Variants in ARHGAP42 observed in about 807,000 individuals in gnomAD.
ARHGAP42 encodes Rho GTPase activating protein 42, also known as rho GTPase-activating protein 42.
A neutral mutation model predicts 125.0 loss-of-function variants in ARHGAP42; 63 were observed. The observed-to-expected ratio is 0.50, with a 90% CI of 0.41 to 0.62. The LOEUF is 0.62. Among genes scored for constraint, ARHGAP42 ranks in the 20% least tolerant of loss-of-function variants. The pLI is 0.00. For synonymous variants in ARHGAP42, 339 were observed against 351.0 expected, an observed-to-expected ratio of 0.97 and a Z score of 0.38; for missense variants, 766 against 1,024.2, an observed-to-expected ratio of 0.75 and a Z score of 3.44.
At chr11:100,791,736 A>C (rs1863573032) in intron 2 of ARHGAP42, among the ~76,000 whole-genome samples, 1 of 151,898 alleles carries the variant, frequency 6.6e-6, no homozygotes, top group Admixed American at 6.5e-5. Context: ...GGCCAGTCTC[A>C]GAAAACTCCT....
rs1864642116 is a variant in ARHGAP42 at position 100,830,582 on chromosome 11, C to G, written c.313-28972C>G. The stretch of plus-strand genomic sequence containing the variant: ...AGTGTCACAAGATCCTCAGGTGTTT[C>G]TTGTGTGCATTAAAGTCTGAGAAGC... On this transcript the variant is annotated intron_variant, in intron 3 of 23. Coordinates refer to ENST00000298815, the MANE Select transcript of ARHGAP42 (RefSeq NM_152432.4). 1.3e-5 allele frequency among the ~76,000 whole-genome samples: 2 copies of G among 152,108 alleles called. 1 individual carries two copies. Among genetic ancestry groups the G allele is most frequent in the South Asian group, 4.1e-4 (2 of 4,824 alleles).
chr11:100,768,147 A>G (rs1199719925), intron 1 of ARHGAP42, among the ~76,000 whole-genome samples: 1 of 152,212 alleles, frequency 6.6e-6, no homozygotes, highest in Admixed American at 6.5e-5. Flanking sequence ...ATATTTTGAC[A>G]TTTGTAAAAA....
intron 4 of ARHGAP42, among the ~76,000 whole-genome samples, chr11:100,912,860 C>A (rs777907520): frequency 6.6e-6 from 1 of 152,220 alleles, no homozygotes; most frequent in African/African-American, 2.4e-5. Context: ...TCAATTTATT[C>A]GACTTCAAAT....
intron 4 of ARHGAP42, among the ~76,000 whole-genome samples, chr11:100,903,117 G>GCGCGCACACACACA (rs373508179): frequency 1.4e-3 from 189 of 132,028 alleles, no homozygotes; most frequent in African/African-American, 3.0e-3. Context: ...TCCAAGATGC[G>GCGCGCACACACACA]CACACACACA....
intron 4 of ARHGAP42, among the ~76,000 whole-genome samples, chr11:100,872,026 A>C (rs898025938): frequency 1.6e-4 from 25 of 152,100 alleles, no homozygotes; most frequent in African/African-American, 5.6e-4. Context: ...AACAGGCGTG[A>C]GCCACTGCAC....
rs1167318377 is a variant in ARHGAP42 at position 100,921,619 on chromosome 11, T to G, written c.597+15T>G. On this transcript the variant is annotated intron_variant, in intron 6 of 23. Transcript: ENST00000298815. ...TTGTTGAACCGGTAAGTTTCAGATT[T>G]TTGTATAAATGGTGGGCTCAAAACA... 2 of 1,458,908 alleles carry G rather than the reference T, an allele frequency of 1.4e-6. No homozygotes were observed. Among genetic ancestry groups the G allele is most frequent in the African/African-American group, 2.9e-5 (2 of 70,082 alleles). The allele number at this position is 1,458,908 out of a possible 1,614,324, so 90.4% of individuals were successfully genotyped here. A position where few individuals can be genotyped will look rare whatever the true frequency, so the allele number is the denominator to read the frequency against.
intron 2 of ARHGAP42, among the ~76,000 whole-genome samples, chr11:100,773,165 C>A (rs563664420): frequency 6.6e-6 from 1 of 152,150 alleles, no homozygotes; most frequent in African/African-American, 2.4e-5. Flanking sequence ...GCTATAAATT[C>A]CATGAAGGCA....
chr11:100,731,033 G>A (rs963964252), intron 1 of ARHGAP42, among the ~76,000 whole-genome samples: 1 of 152,118 alleles, frequency 6.6e-6, no homozygotes, highest in Non-Finnish European at 1.5e-5. Flanking sequence ...TATGATGGCA[G>A]TCATTCAGGT....
At chr11:100,835,118 T>C (rs1371560394) in intron 3 of ARHGAP42, among the ~76,000 whole-genome samples, 2 of 152,064 alleles carry the variant, frequency 1.3e-5, no homozygotes, top group African/African-American at 4.8e-5. Flanking sequence ...TATTTTATAC[T>C]GTTTTGCTGG....
chr11:100,974,253 CT>C (rs1165671332), intron 18 of ARHGAP42, among the ~76,000 whole-genome samples: 1 of 152,084 alleles, frequency 6.6e-6, no homozygotes, highest in Non-Finnish European at 1.5e-5. Flanking sequence ...ATTGAAAGAT[CT>C]TCTAGATTTT....
Position 100,916,786 on chromosome 11 carries a change from T to C in ARHGAP42, c.486+3233T>C, listed in dbSNP as rs146578908. The stretch of plus-strand genomic sequence containing the variant: ...AAATTGTGTAAATATAGTTTAAATA[T>C]TGATCCAAGATTCATAAGTGCAGAA... On this transcript the variant is annotated intron_variant, in intron 5 of 23. Transcript: ENST00000298815. Among the ~76,000 whole-genome samples, 261 of 152,266 alleles carry C rather than the reference T, an allele frequency of 1.7e-3. 2 individuals are homozygous for C. The highest frequency in any genetic ancestry group is 0.012 in the South Asian group (57 of 4,824).
At chr11:100,725,613 A>C (rs1659277523) in intron 1 of ARHGAP42, among the ~76,000 whole-genome samples, 1 of 144,802 alleles carries the variant, frequency 6.9e-6, no homozygotes, top group South Asian at 2.3e-4. Flanking sequence ...GTATCTACCA[A>C]AAATTTAAAA....
chr11:100,921,347 C>T (rs901177136), intron 5 of ARHGAP42, 147 bp from the exon 6 acceptor site: 7 of 504,238 alleles, frequency 1.4e-5, no homozygotes, highest in African/African-American at 1.3e-4. Flanking sequence ...CTGCCCCATA[C>T]ACTATAAGCT....
intron 1 of ARHGAP42, among the ~76,000 whole-genome samples, chr11:100,693,497 A>T (rs902653772): frequency 6.6e-6 from 1 of 152,152 alleles, no homozygotes; most frequent in African/African-American, 2.4e-5. Context: ...ATTAGAGTGA[A>T]ATGAAATTGG....
At chr11:100,776,995 A>G (rs1005340403) in intron 2 of ARHGAP42, among the ~76,000 whole-genome samples, 1 of 152,054 alleles carries the variant, frequency 6.6e-6, no homozygotes, top group Non-Finnish European at 1.5e-5. Context: ...AAAAAAAAAA[A>G]AAAAAACACG....
chr11:100,975,822 A>G (rs1201552185), intron 19 of ARHGAP42, among the ~76,000 whole-genome samples: 1 of 152,202 alleles, frequency 6.6e-6, no homozygotes, highest in East Asian at 1.9e-4. Flanking sequence ...TCATAGGTAC[A>G]TACATAAACT....
chr11:100,801,661 A>C (rs1863854522), intron 3 of ARHGAP42, among the ~76,000 whole-genome samples: 1 of 152,190 alleles, frequency 6.6e-6, no homozygotes, highest in Admixed American at 6.5e-5. Context: ...GCCAACTAAA[A>C]TGCATAGTTT....
rs1565235574 is a variant in ARHGAP42, at chr11:100,837,686, T to TA, written c.313-21868_313-21867insA. Among the ~76,000 whole-genome samples, 86 of 139,510 alleles carry TA rather than the reference T, an allele frequency of 6.2e-4. 2 individuals carry two copies. The highest frequency in any genetic ancestry group is 7.1e-3 in the Middle Eastern group (2 of 282). The allele number at this position is 139,510 out of a possible 152,430, so 91.5% of individuals were successfully genotyped here. ...TCATCCTTTTTTTTTTTTTTTTTTT[T>TA]TTTTTTTTTTTAGTAAATATGCTTA... On this transcript the variant is annotated intron_variant, in intron 3 of 23. Coordinates refer to ENST00000298815, the MANE Select transcript of ARHGAP42 (RefSeq NM_152432.4).
At chr11:100,839,358 A>G (rs1864889350) in intron 3 of ARHGAP42, 1 of 152,194 alleles carries the variant, frequency 6.6e-6, no homozygotes, top group African/African-American at 2.4e-5. Context: ...AATAAAGGTG[A>G]GTGTGAATGG....
Sources: gnomAD v4.1 joint callset for allele counts (sites outside exome capture counted in the v4.1 genomes callset) on GRCh38, gnomAD v4.1.1 for gene constraint, MANE v1.5 for transcripts, NCBI Gene and HGNC (gene_info 2026-07-23, HGNC 2026-07-21) for gene names.